RILP: variants seen among roughly 807,000 people sequenced by gnomAD.
RILP encodes rab-interacting lysosomal protein.
Under a neutral mutation model 40.0 loss-of-function variants are expected in RILP, and 53 were observed. That is an observed-to-expected ratio of 1.32 (90% confidence interval 1.06 to 1.66). The LOEUF (loss-of-function observed/expected upper bound fraction) is 1.66. Among genes scored for constraint, RILP ranks in the 40% most tolerant of loss-of-function variants. The pLI is 0.00. For synonymous variants in RILP, 272 were observed against 250.6 expected, an observed-to-expected ratio of 1.09 and a Z score of -0.80; for missense variants, 626 against 551.7, an observed-to-expected ratio of 1.13 and a Z score of -1.35.
At position 1,647,945 on chromosome 17, in the gene RILP, T is replaced by C. The variant is rs766724440; in HGVS notation, c.834A>G (p.Thr278=). The change falls in exon 6 of 8, where the codon ACA becomes ACG. Residue 278 remains threonine, a synonymous_variant. Transcript: ENST00000301336. ...ELAYFQRELL[T]DHRVPGLLLE... The stretch of plus-strand genomic sequence containing the variant: ...GCAGAAGGCCGGGGACCCGGTGGTC[T>C]GTGAGCAGCTCCCTAAAGAAAAGGG... The C allele has an allele frequency of 3.1e-6, 5 of 1,613,858 alleles. No homozygotes were observed. The Admixed American group carries it at 5.0e-5, about 16-fold the overall frequency.
Position 1,649,856 on chromosome 17 carries a change from C to T in RILP, c.-52G>A. The T allele has an allele frequency of 1.1e-5, 15 of 1,404,826 alleles. No individual in the cohort carries two copies. Among genetic ancestry groups the T allele is most frequent in the Non-Finnish European group, 1.4e-5 (15 of 1,050,476 alleles). 87.0% of individuals were successfully genotyped at this position (1,404,826 alleles called of 1,614,324 possible). On this transcript the variant is annotated 5_prime_UTR_variant, in exon 1 of 8. Transcript: ENST00000301336. The surrounding 1 kb of genome is among the most constrained non-coding windows in gnomAD (Gnocchi z 4.3). ...CCCCCCACCCCACCCTCCACTGGGA[C>T]GGGGAAAAGCGAAACAGTTCCGCCC...
Position 1,646,420 on chromosome 17 carries a change from C to A in RILP, c.*22G>T. The A allele has an allele frequency of 6.5e-7, 1 of 1,536,502 alleles. No homozygotes were observed. Among genetic ancestry groups the A allele is most frequent in the Non-Finnish European group, 8.7e-7 (1 of 1,143,166 alleles). ...CTGTCCTCATTTGAGGCCACACATC[C>A]TTCCACAGCCAGACCCCTAAGTCAG... On this transcript the variant is annotated 3_prime_UTR_variant, in exon 8 of 8. Coordinates refer to ENST00000301336, the MANE Select transcript of RILP (RefSeq NM_031430.3). The surrounding 1 kb of genome is among the most constrained non-coding windows in gnomAD (Gnocchi z 4.3).
At chr17:1,647,786 G>C (rs1910700936) in intron 6 of RILP, 49 bp downstream of exon 6, 1 of 1,612,260 alleles carries the variant, frequency 6.2e-7, no homozygotes. Context: ...AGGCTCAGCA[G>C]AATGAGGGAG....
Position 1,649,457 on chromosome 17 carries a change from C to T in RILP, c.277G>A (p.Glu93Lys), listed in dbSNP as rs547548625. The T allele has an allele frequency of 7.1e-5, 108 of 1,511,550 alleles. No individual in the cohort carries two copies. The African/African-American group carries it at 1.1e-3, about 16-fold the overall frequency. 93.6% of individuals were successfully genotyped at this position (1,511,550 alleles called of 1,614,324 possible). The part of the protein sequence containing the change: ...PAEQELRRLR[E>K]ENERLRRELR... The stretch of plus-strand genomic sequence containing the variant: ...TCCCTGCGGAGGCGCTCGTTCTCCT[C>T]CCGCAGCCGCCGCAGCTCCTGCTCC... The change falls in exon 2 of 8, where the codon GAG becomes AAG. Residue 93 changes from glutamate to lysine, a missense_variant. Physicochemically the swap from Glu to Lys is moderately conservative, Grantham distance 56 (BLOSUM62 1). Transcript: ENST00000301336. This position sits in a 1 kb window ranked among gnomAD's most constrained non-coding sequence, Gnocchi z 4.3.
rs1389668778 is a variant in RILP, at chr17:1,648,089, C to T, written c.822-132G>A. The T allele has an allele frequency of 7.6e-7, 1 of 1,307,730 alleles. No individual in the cohort carries two copies. Among genetic ancestry groups the T allele is most frequent in the Non-Finnish European group, 1.1e-6 (1 of 951,650 alleles). The allele number at this position is 1,307,730 out of a possible 1,614,324, so 81.0% of individuals were successfully genotyped here. A position where few individuals can be genotyped will look rare whatever the true frequency, so the allele number is the denominator to read the frequency against. On this transcript the variant is annotated intron_variant, in intron 5 of 7. Coordinates refer to ENST00000301336, the MANE Select transcript of RILP (RefSeq NM_031430.3). The surrounding 1 kb of genome is among the most constrained non-coding windows in gnomAD (Gnocchi z 4.9). Reference sequence around the variant, plus strand: ...AGCTCTTCCCTGAACACGGGAAGCGCTCTGCCTTGCTGACACCCTCAGACC... The same window carrying T: ...AGCTCTTCCCTGAACACGGGAAGCGTTCTGCCTTGCTGACACCCTCAGACC...
chr17:1,649,328 C>T lies in RILP; in HGVS notation c.323-22G>A, dbSNP rs1228036932. On this transcript the variant is annotated intron_variant, in intron 2 of 7. Coordinates refer to ENST00000301336, the MANE Select transcript of RILP (RefSeq NM_031430.3). The surrounding 1 kb of genome is among the most constrained non-coding windows in gnomAD (Gnocchi z 4.3). Reference sequence around the variant, plus strand: ...TCCTCTGAGGAAGGGGCGTTCTTAGCGGCGGCGGCGCGCGGCCCGCGGGAG... The same window carrying T: ...TCCTCTGAGGAAGGGGCGTTCTTAGTGGCGGCGGCGCGCGGCCCGCGGGAG... 1 of 1,489,768 alleles carries T rather than the reference C, an allele frequency of 6.7e-7. No homozygotes were observed. Among genetic ancestry groups the T allele is most frequent in the East Asian group, 2.8e-5 (1 of 35,536 alleles). 92.3% of individuals were successfully genotyped at this position (1,489,768 alleles called of 1,614,324 possible). A position where few individuals can be genotyped will look rare whatever the true frequency, so the allele number is the denominator to read the frequency against.
chr17:1,649,134 GGA>G lies in RILP; in HGVS notation c.429+64_429+65del. On this transcript the variant is annotated intron_variant, in intron 3 of 7. Coordinates refer to ENST00000301336, the MANE Select transcript of RILP (RefSeq NM_031430.3). This position sits in a 1 kb window ranked among gnomAD's most constrained non-coding sequence, Gnocchi z 4.3. The stretch of plus-strand genomic sequence containing the variant: ...CCTGCCTCGCTCCGCCCCCGCCCCC[GGA>G]GCCCCGCCCAGCGCCTGCCACGCTC... The G allele has an allele frequency of 2.8e-6, 1 of 363,246 alleles. No homozygotes were observed. The highest frequency in any genetic ancestry group is 4.0e-6 in the Non-Finnish European group (1 of 252,368). The allele number at this position is 363,246 out of a possible 1,614,324, so 22.5% of individuals were successfully genotyped here. A position where few individuals can be genotyped will look rare whatever the true frequency, so the allele number is the denominator to read the frequency against.
Position 1,648,896 on chromosome 17 carries a change from CGCTCTTTA to C in RILP, c.570_577del (p.Lys191SerfsTer30). On this transcript the variant is annotated frameshift_variant, in exon 4 of 8. Transcript: ENST00000301336. LOFTEE classifies it high-confidence loss of function. This position sits in a 1 kb window ranked among gnomAD's most constrained non-coding sequence, Gnocchi z 4.9. Reference sequence around the variant, plus strand: ...GGGCCGCCCGGCCTGCCCCCGCGCTCGCTCTTTAGCCTGCGGAGTCGCGGCTTCGCCAG... The same window carrying C: ...GGGCCGCCCGGCCTGCCCCCGCGCTCGCCTGCGGAGTCGCGGCTTCGCCAG... 1 of 1,527,490 alleles carries C rather than the reference CGCTCTTTA, an allele frequency of 6.5e-7. No individual in the cohort carries two copies. The highest frequency in any genetic ancestry group is 2.1e-4 in the Middle Eastern group (1 of 4,708). 94.6% of individuals were successfully genotyped at this position (1,527,490 alleles called of 1,614,324 possible). A position where few individuals can be genotyped will look rare whatever the true frequency, so the allele number is the denominator to read the frequency against.
Position 1,649,008 on chromosome 17 carries a change from C to A in RILP, c.466G>T (p.Ala156Ser), listed in dbSNP as rs575996122. 1 of 1,380,698 alleles carries A rather than the reference C, an allele frequency of 7.2e-7. No individual in the cohort carries two copies. The highest frequency in any genetic ancestry group is 1.5e-5 in the African/African-American group (1 of 65,216). The allele number at this position is 1,380,698 out of a possible 1,614,324, so 85.5% of individuals were successfully genotyped here. The change falls in exon 4 of 8, where the codon GCT becomes TCT. Residue 156 changes from alanine (A) to serine (S), a missense_variant. By Grantham distance (99) the Ala-to-Ser change is moderately conservative (BLOSUM62 1). Transcript: ENST00000301336. This position sits in a 1 kb window ranked among gnomAD's most constrained non-coding sequence, Gnocchi z 4.3. ...GCCGCCAGCTTGTGCCGCAGCTCAG[C>A]GTTCACCAGCAGGAGGCGCTGCAGC... The part of the protein sequence containing the change: ...EQLQRLLLVN[A>S]ELRHKLAAMQ...
chr17:1,649,429 A>C lies in RILP; in HGVS notation c.305T>G (p.Leu102Arg), dbSNP rs752190604. The C allele has an allele frequency of 1.4e-5, 21 of 1,506,966 alleles. No homozygotes were observed. The highest frequency in any genetic ancestry group is 2.3e-4 in the Middle Eastern group (1 of 4,386). 93.3% of individuals were successfully genotyped at this position (1,506,966 alleles called of 1,614,324 possible). The change falls in exon 2 of 8, where the codon CTG becomes CGG. Residue 102 changes from leucine (L) to arginine (R), a missense_variant. Transcript: ENST00000301336. This position sits in a 1 kb window ranked among gnomAD's most constrained non-coding sequence, Gnocchi z 4.3. ...REENERLRRE[L>R]RAGPQEERAL... Reference sequence around the variant, plus strand: ...GCGCTTACCCTGTGGCCCCGCGCGCAGCTCCCTGCGGAGGCGCTCGTTCTC... The same window carrying C: ...GCGCTTACCCTGTGGCCCCGCGCGCCGCTCCCTGCGGAGGCGCTCGTTCTC...
At position 1,649,398 on chromosome 17, in the gene RILP, G is replaced by T. The variant is rs762223636; in HGVS notation, c.322+14C>A. 3.3e-6 allele frequency: 5 copies of T among 1,501,338 alleles called. No individual in the cohort carries two copies. The African/African-American group carries it at 5.8e-5, about 17-fold the overall frequency. 93.0% of individuals were successfully genotyped at this position (1,501,338 alleles called of 1,614,324 possible). ...GGTCGTCACCCGCCCTGCCCTGGCC[G>T]GGGCTGCGCTTACCCTGTGGCCCCG... On this transcript the variant is annotated intron_variant, in intron 2 of 7. Coordinates refer to ENST00000301336, the MANE Select transcript of RILP (RefSeq NM_031430.3). The surrounding 1 kb of genome is among the most constrained non-coding windows in gnomAD (Gnocchi z 4.3).
rs955080581 is a variant in RILP at position 1,648,677 on chromosome 17, C to G, written c.675+122G>C. 2 of 1,412,858 alleles carry G rather than the reference C, an allele frequency of 1.4e-6. No homozygotes were observed. Among genetic ancestry groups the G allele is most frequent in the Non-Finnish European group, 1.9e-6 (2 of 1,077,716 alleles). The allele number at this position is 1,412,858 out of a possible 1,614,324, so 87.5% of individuals were successfully genotyped here. A position where few individuals can be genotyped will look rare whatever the true frequency, so the allele number is the denominator to read the frequency against. On this transcript the variant is annotated intron_variant, in intron 4 of 7. Transcript: ENST00000301336. This position sits in a 1 kb window ranked among gnomAD's most constrained non-coding sequence, Gnocchi z 4.9. Reference sequence around the variant, plus strand: ...GCCGAGGCCGGCCGGGGGCGCAGATCTGTCTGCCACCTCCCCGCTTCCTGG... The same window carrying G: ...GCCGAGGCCGGCCGGGGGCGCAGATGTGTCTGCCACCTCCCCGCTTCCTGG...
rs145604071 is a variant in RILP at position 1,646,594 on chromosome 17, C to T, written c.1054G>A (p.Ala352Thr). The change falls in exon 8 of 8, where the codon GCT becomes ACT. Residue 352 changes from alanine (A) to threonine (T), a missense_variant. Coordinates refer to ENST00000301336, the MANE Select transcript of RILP (RefSeq NM_031430.3). The surrounding 1 kb of genome is among the most constrained non-coding windows in gnomAD (Gnocchi z 4.3). Reference protein sequence around the residue: ...SFFGLWYRGKAESSEDETSSP... With the variant: ...SFFGLWYRGKTESSEDETSSP... ...CTGGTCTCATCCTCAGAGGATTCAG[C>T]TTTACCCCGATACCATAGGCCAAAG... is the stretch of plus-strand genomic sequence containing the variant. 273 of 1,592,814 alleles carry T rather than the reference C, an allele frequency of 1.7e-4. 1 individual carries two copies. In the African/African-American group the frequency reaches 3.1e-3, roughly 18 times the overall value.
At position 1,649,709 on chromosome 17, in the gene RILP, G is replaced by A. The variant is rs9896488; in HGVS notation, c.96C>T (p.Ala32=). The change falls in exon 1 of 8, where the codon GCC becomes GCT. Residue 32 remains alanine, a synonymous_variant. Coordinates refer to ENST00000301336, the MANE Select transcript of RILP (RefSeq NM_031430.3). This position sits in a 1 kb window ranked among gnomAD's most constrained non-coding sequence, Gnocchi z 4.3. Reference sequence around the variant, plus strand: ...CCTGCAGCTCAGTGCCCAGGGCCCCGGCTAGATGGTACACAAGCTCCGCGG... The same window carrying A: ...CCTGCAGCTCAGTGCCCAGGGCCCCAGCTAGATGGTACACAAGCTCCGCGG... The part of the protein sequence containing the change: ...ASAAELVYHL[A]GALGTELQDL... 9.4e-6 allele frequency: 15 copies of A among 1,592,842 alleles called. No individual in the cohort carries two copies. The East Asian group carries it at 2.9e-4, about 31-fold the overall frequency.
rs778148008 is a variant in RILP, at chr17:1,646,605, T to C, written c.1043A>G (p.Tyr348Cys). 3.2e-6 allele frequency: 5 copies of C among 1,585,362 alleles called. No individual in the cohort carries two copies. Among genetic ancestry groups the C allele is most frequent in the Non-Finnish European group, 2.6e-6 (3 of 1,166,664 alleles). ...CTCAGAGGATTCAGCTTTACCCCGATACCATAGGCCAAAGCTGGAGAGAGA... is the reference window on the plus strand; with the variant it reads ...CTCAGAGGATTCAGCTTTACCCCGACACCATAGGCCAAAGCTGGAGAGAGA... ...SKIQSFFGLW[Y>C]RGKAESSEDE... Residue 348 changes from tyrosine (Y) to cysteine (C), a missense_variant, in exon 8 of 8, where the codon TAT (tyrosine) becomes TGT (cysteine). Coordinates refer to ENST00000301336, the MANE Select transcript of RILP (RefSeq NM_031430.3). The surrounding 1 kb of genome is among the most constrained non-coding windows in gnomAD (Gnocchi z 4.3).
Position 1,648,922 on chromosome 17 carries a change from T to C in RILP, c.552A>G (p.Glu184=). Residue 184 remains glutamate (E), a synonymous_variant, in exon 4 of 8, where the codon GAA becomes GAG. Transcript: ENST00000301336. The surrounding 1 kb of genome is among the most constrained non-coding windows in gnomAD (Gnocchi z 4.9). ...GCTCTTTAGCCTGCGGAGTCGCGGC[T>C]TCGCCAGGCTGCTGGCGCTCCCTCT... The part of the protein sequence containing the change: ...DRERERQQPG[E]AATPQAKERA... 1 of 1,520,838 alleles carries C rather than the reference T, an allele frequency of 6.6e-7. No individual in the cohort carries two copies. Among genetic ancestry groups the C allele is most frequent in the Non-Finnish European group, 8.8e-7 (1 of 1,141,080 alleles). 94.2% of individuals were successfully genotyped at this position (1,520,838 alleles called of 1,614,324 possible).
chr17:1,649,585 G>A lies in RILP; in HGVS notation c.220C>T (p.Pro74Ser). 6.4e-7 allele frequency: 1 copy of A among 1,563,032 alleles called. No individual in the cohort carries two copies. The highest frequency in any genetic ancestry group is 1.4e-5 in the African/African-American group (1 of 73,684). Reference protein sequence around the residue: ...LLEQAAVGPAPDSLQVSAQPA... With the variant: ...LLEQAAVGPASDSLQVSAQPA... ...GGAGGGCCATGACTCACCGAGTCCG[G>A]GGCGGGCCCCACGGCAGCCTGTTCC... is the stretch of plus-strand genomic sequence containing the variant. The change falls in exon 1 of 8, where the codon CCG becomes TCG. Residue 74 changes from proline (P) to serine (S), a missense_variant. Transcript: ENST00000301336. The surrounding 1 kb of genome is among the most constrained non-coding windows in gnomAD (Gnocchi z 4.3).
In RILP at chr17:1,646,274, T is replaced by C. The variant is rs1910557549; in HGVS notation, c.*168A>G. On this transcript the variant is annotated 3_prime_UTR_variant, in exon 8 of 8. Coordinates refer to ENST00000301336, the MANE Select transcript of RILP (RefSeq NM_031430.3). This position sits in a 1 kb window ranked among gnomAD's most constrained non-coding sequence, Gnocchi z 4.3. ...ACTGAGACTCAGAGAGGCACTCTTA[T>C]ATCTGGCCCCAGAGGCTCGGTACAG... 7.4e-6 allele frequency: 4 copies of C among 543,978 alleles called. No homozygotes were observed. In the East Asian group the frequency reaches 1.3e-4, roughly 17 times the overall value. The allele number at this position is 543,978 out of a possible 1,614,324, so 33.7% of individuals were successfully genotyped here. A position where few individuals can be genotyped will look rare whatever the true frequency, so the allele number is the denominator to read the frequency against.
chr17:1,646,848 C>T lies in RILP; in HGVS notation c.1028+58G>A. 1 of 1,339,670 alleles carries T rather than the reference C, an allele frequency of 7.5e-7. No homozygotes were observed. The highest frequency in any genetic ancestry group is 1.0e-6 in the Non-Finnish European group (1 of 974,978). 83.0% of individuals were successfully genotyped at this position (1,339,670 alleles called of 1,614,324 possible). A position where few individuals can be genotyped will look rare whatever the true frequency, so the allele number is the denominator to read the frequency against. ...GCGGGAAAGGGGATCCTGAGAAGGA[C>T]CAGCCAGGGCCCTTCCTCCCTCCCC... is the stretch of plus-strand genomic sequence containing the variant. On this transcript the variant is annotated intron_variant, in intron 7 of 7. Transcript: ENST00000301336. This position sits in a 1 kb window ranked among gnomAD's most constrained non-coding sequence, Gnocchi z 4.3.
Sources: gnomAD v4.1 joint callset for allele counts on GRCh38, gnomAD v4.1.1 for gene constraint, Gnocchi (gnomAD v3.1) non-coding constraint, MANE v1.5 for transcripts, NCBI Gene and HGNC (gene_info 2026-07-23, HGNC 2026-07-21) for gene names.